The following ETHE1 variants were observed in gnomAD, a reference collection of about 807,000 sequenced individuals.
ETHE1 encodes the protein persulfide dioxygenase ETHE1, mitochondrial.
A neutral mutation model predicts 25.7 loss-of-function variants in ETHE1; 16 were observed. The ratio of observed to expected loss-of-function variants is 0.62; its 90% CI spans 0.42 to 0.95. ETHE1 has a LOEUF of 0.95. ETHE1 is among the 40% of genes least tolerant of loss of function. ETHE1 has a pLI of 0.00. For missense variants in ETHE1, 300 were observed against 333.6 expected (o/e 0.90, Z 0.79); for synonymous variants, 139 against 135.9 (o/e 1.02, Z -0.16).
At chr19:43,525,252 T>C (rs372550191) in intron 3 of ETHE1, among the ~76,000 whole-genome samples, 20 of 152,124 alleles carry the variant, frequency 1.3e-4, no homozygotes, top group East Asian at 9.7e-4. Context: ...TGTACATACA[T>C]GTACAATGCA....
intron 3 of ETHE1, among the ~76,000 whole-genome samples, chr19:43,523,188 G>T (rs11672453): frequency 6.6e-6 from 1 of 152,224 alleles, no homozygotes; most frequent in Non-Finnish European, 1.5e-5. Flanking sequence ...GGCAAGTTCT[G>T]TATCGGGATC....
At position 43,527,196 on chromosome 19, in the gene ETHE1, A is replaced by T. The variant is rs1257405680; in HGVS notation, c.-19T>A. 2.0e-6 allele frequency: 3 copies of T among 1,534,480 alleles called. No individual in the cohort carries two copies. Among genetic ancestry groups the T allele is most frequent in the Non-Finnish European group, 2.6e-6 (3 of 1,145,346 alleles). ...CCGCCATCGCGCCCACTGCGGGGTC[A>T]GGAATGAGCGGAGGCCGAGCGCCTG... is the stretch of plus-strand genomic sequence containing the variant. On this transcript the variant is annotated 5_prime_UTR_variant, in exon 1 of 7. Transcript: ENST00000292147.
rs530179517 is a variant in ETHE1 at position 43,514,801 on chromosome 19, TAGC to T, written c.376-3238_376-3236del. 1.7e-3 allele frequency among the ~76,000 whole-genome samples: 265 copies of T among 152,206 alleles called. 1 individual carries two copies. Among genetic ancestry groups the T allele is most frequent in the Admixed American group, 3.6e-3 (55 of 15,268 alleles). On this transcript the variant is annotated intron_variant, in intron 3 of 6. Coordinates refer to ENST00000292147, the MANE Select transcript of ETHE1 (RefSeq NM_014297.5). ...ACCCAGCCTTCAGGTATGTCTTTAT[TAGC>T]AGCATGAGAACAGACTAATACAGAA...
chr19:43,525,312 T>C (rs1972219392), intron 3 of ETHE1, among the ~76,000 whole-genome samples: 1 of 152,124 alleles, frequency 6.6e-6, no homozygotes, highest in African/African-American at 2.4e-5. Context: ...CTGTAACCAT[T>C]GTAGCTGAAC....
chr19:43,522,654 T>C (rs1398961025), intron 3 of ETHE1, among the ~76,000 whole-genome samples: 2 of 152,050 alleles, frequency 1.3e-5, no homozygotes, highest in African/African-American at 4.8e-5. Flanking sequence ...GCTTATTTTG[T>C]ATTTTTAGTA....
At chr19:43,509,347 A>C (rs970319606) in intron 4 of ETHE1, among the ~76,000 whole-genome samples, 2 of 152,010 alleles carry the variant, frequency 1.3e-5, no homozygotes, top group Non-Finnish European at 1.5e-5. Flanking sequence ...AAATACAAAA[A>C]TTAGCCAGGC....
rs761827730 is a variant in ETHE1 at position 43,526,608 on chromosome 19, ACT to A, written c.131_132del (p.Glu44ValfsTer62). On this transcript the variant is annotated frameshift_variant, in exon 2 of 7. Coordinates refer to ENST00000292147, the MANE Select transcript of ETHE1 (RefSeq NM_014297.5). LOFTEE classifies it high-confidence loss of function. ...GGGTCGATCAGAACGGCCTCCCGGGACTCTCTGTCACCCAGCAGGTACGTGAA... is the reference window on the plus strand; with the variant it reads ...GGGTCGATCAGAACGGCCTCCCGGGACTCTGTCACCCAGCAGGTACGTGAA... ...CTFTYLLGDR[E>X]SREAVLIDPV... The A allele has an allele frequency of 1.8e-5, 29 of 1,613,528 alleles. No homozygotes were observed. The highest frequency in any genetic ancestry group is 2.4e-5 in the Non-Finnish European group (28 of 1,179,922).
chr19:43,526,742 C>A, intron 1 of ETHE1, 83 bp from the exon 2 acceptor site: 1 of 1,602,174 alleles, frequency 6.2e-7, no homozygotes, highest in Non-Finnish European at 8.5e-7. Flanking sequence ...ACCCTATCCT[C>A]TTCCTAAGAT....
chr19:43,522,132 T>C (rs758212775), intron 3 of ETHE1, among the ~76,000 whole-genome samples: 6 of 151,992 alleles, frequency 3.9e-5, no homozygotes, highest in Non-Finnish European at 8.8e-5. Flanking sequence ...ACTATCAAAG[T>C]AACATGTAAA....
At chr19:43,507,842 C>A (rs750417549) in intron 6 of ETHE1, 102 bp downstream of exon 6, 1 of 1,276,422 alleles carries the variant, frequency 7.8e-7, no homozygotes, top group African/African-American at 1.5e-5. Flanking sequence ...TCCCTCAGAC[C>A]CAGGAGTCCA....
At chr19:43,511,157 T>C (rs1429600616) in intron 4 of ETHE1, among the ~76,000 whole-genome samples, 2 of 152,092 alleles carry the variant, frequency 1.3e-5, no homozygotes, top group Admixed American at 1.3e-4. Flanking sequence ...TATTTCATTA[T>C]CTATTGCAAT....
In ETHE1 at chr19:43,510,458, C is replaced by T. The variant is rs369018245; in HGVS notation, c.505+979G>A. 4.5e-3 allele frequency among the ~76,000 whole-genome samples: 681 copies of T among 151,770 alleles called. 7 individuals are homozygous for T. Among genetic ancestry groups the T allele is most frequent in the African/African-American group, 0.015 (626 of 41,382 alleles). ...TCAAGTAAATCTCTGCCTCAGCCTC[C>T]CGAGTAGCTGGGACTACAGGCACCC... On this transcript the variant is annotated intron_variant, in intron 4 of 6. Transcript: ENST00000292147.
At chr19:43,524,666 T>TG (rs1284675921) in intron 3 of ETHE1, among the ~76,000 whole-genome samples, 2 of 151,992 alleles carry the variant, frequency 1.3e-5, no homozygotes, top group Non-Finnish European at 2.9e-5. Flanking sequence ...TAGCCAGGTA[T>TG]GGTGGCAGGT....
At chr19:43,526,450 T>C in intron 2 of ETHE1, 65 bp downstream of exon 2, 1 of 1,602,020 alleles carries the variant, frequency 6.2e-7, no homozygotes, top group South Asian at 1.1e-5. Context: ...GGGCCCCAGC[T>C]TCCCATTCCA....
intron 1 of ETHE1, 67 bp downstream of exon 1, chr19:43,527,030 C>T (rs1461256602): frequency 5.2e-6 from 8 of 1,540,346 alleles, no homozygotes; most frequent in African/African-American, 1.4e-5. Context: ...TATTAAGAGA[C>T]CCCGGAGTTC....
intron 3 of ETHE1, among the ~76,000 whole-genome samples, chr19:43,521,837 G>A (rs559858346): frequency 3.0e-4 from 45 of 152,266 alleles, no homozygotes; most frequent in African/African-American, 1.0e-3. Flanking sequence ...TAGAATTCAT[G>A]ACAATGTTCC....
chr19:43,509,011 C>T lies in ETHE1; in HGVS notation c.506-147G>A. ...AATATCCCTTTGTCTAAGTAGAGAACAGGGAAAGGCATTCTAGGCAGATGG... is the reference window on the plus strand; with the variant it reads ...AATATCCCTTTGTCTAAGTAGAGAATAGGGAAAGGCATTCTAGGCAGATGG... On this transcript the variant is annotated intron_variant, in intron 4 of 6. Transcript: ENST00000292147. The T allele has an allele frequency of 1.1e-5, 8 of 714,674 alleles. No individual in the cohort carries two copies. In the South Asian group the frequency reaches 1.2e-4, roughly 11 times the overall value. The allele number at this position is 714,674 out of a possible 1,614,324, so 44.3% of individuals were successfully genotyped here.
At position 43,518,946 on chromosome 19, in the gene ETHE1, T is replaced by C. The variant is rs1408588766; in HGVS notation, c.375+7255A>G. On this transcript the variant is annotated intron_variant, in intron 3 of 6. Transcript: ENST00000292147. ...GGGGAGAGGGGCGCGGTTCTAAAAGTTTCATGACCTATAGTGACATAATTG... is the reference window on the plus strand; with the variant it reads ...GGGGAGAGGGGCGCGGTTCTAAAAGCTTCATGACCTATAGTGACATAATTG... 4.0e-5 allele frequency among the ~76,000 whole-genome samples: 6 copies of C among 150,000 alleles called. 2 individuals carry two copies. The Admixed American group carries it at 4.0e-4, about 10-fold the overall frequency.
At chr19:43,508,917 C>T (rs1971850960) in intron 4 of ETHE1, 53 bp from the exon 5 acceptor site, 9 of 1,363,884 alleles carry the variant, frequency 6.6e-6, no homozygotes, top group Non-Finnish European at 9.3e-6. Flanking sequence ...AAGACTCTAA[C>T]CCCTTCCTTC....
Sources: allele counts gnomAD v4.1 joint callset (sites outside exome capture counted in the v4.1 genomes callset), GRCh38; gene constraint gnomAD v4.1.1; transcripts MANE v1.5; gene names NCBI Gene and HGNC (gene_info 2026-07-23, HGNC 2026-07-21).